GPR107: variants seen among roughly 807,000 people sequenced by gnomAD.
GPR107 encodes G protein-coupled receptor 107.
Under a neutral mutation model 75.5 loss-of-function variants are expected in GPR107, and 31 were observed. That is an observed-to-expected ratio of 0.41 (90% CI 0.31 to 0.55). GPR107 has a LOEUF of 0.55. Among genes scored for constraint, GPR107 ranks in the 20% least tolerant of loss-of-function variants. GPR107 has a pLI of 0.26. For missense variants in GPR107, 572 were observed against 665.7 expected (o/e 0.86, Z 1.55); for synonymous variants, 267 against 251.3 (o/e 1.06, Z -0.59).
chr9:130,074,836 T>C (rs1830303241), intron 1 of GPR107, among the ~76,000 whole-genome samples: 1 of 151,966 alleles, frequency 6.6e-6, no homozygotes, highest in South Asian at 2.1e-4. Flanking sequence ...CACAAATTGA[T>C]AAGAGGATTT....
chr9:130,057,471 G>T (rs74421276), intron 1 of GPR107, among the ~76,000 whole-genome samples: 267 of 147,760 alleles, frequency 1.8e-3, no homozygotes, highest in African/African-American at 6.4e-3. Flanking sequence ...AATGGCTCCA[G>T]CCTGGGGGAC....
chr9:130,085,754 A>ATTTTTTTTTT lies in GPR107; in HGVS notation c.565-658_565-649dup, dbSNP rs71387311. Among the ~76,000 whole-genome samples the ATTTTTTTTTT allele has an allele frequency of 2.5e-3, 198 of 78,646 alleles. 32 individuals are homozygous for ATTTTTTTTTT. Among genetic ancestry groups the ATTTTTTTTTT allele is most frequent in the African/African-American group, 9.2e-3 (185 of 20,042 alleles). The allele number at this position is 78,646 out of a possible 152,430, so 51.6% of individuals were successfully genotyped here. ...TTACTGTATAAATGGCAATATTTTGATTTTTTTTTTTTTTTTTGCCGGGGG... is the reference window on the plus strand; with the variant it reads ...TTACTGTATAAATGGCAATATTTTGATTTTTTTTTTTTTTTTTTTTTTTTTTTGCCGGGGG... On this transcript the variant is annotated intron_variant, in intron 6 of 17. Transcript: ENST00000347136.
chr9:130,131,418 A>T, intron 17 of GPR107, among the ~76,000 whole-genome samples: 1 of 150,832 alleles, frequency 6.6e-6, no homozygotes, highest in African/African-American at 2.4e-5. Flanking sequence ...CACTTCTGCC[A>T]CTCCCAGTCC....
intron 1 of GPR107, among the ~76,000 whole-genome samples, chr9:130,056,520 G>A (rs1356222897): frequency 6.6e-6 from 1 of 152,064 alleles, no homozygotes; most frequent in Admixed American, 6.6e-5. Context: ...GCTTCCCAGG[G>A]CCACATTGGA....
At chr9:130,097,955 C>A (rs1295336404) in intron 9 of GPR107, among the ~76,000 whole-genome samples, 2 of 151,854 alleles carry the variant, frequency 1.3e-5, no homozygotes, top group Admixed American at 1.3e-4. Context: ...AGTCACGGCT[C>A]ATTGCAGCCT....
At chr9:130,101,277 T>G (rs1438731479) in intron 12 of GPR107, 54 bp downstream of exon 12, 3 of 963,168 alleles carry the variant, frequency 3.1e-6, no homozygotes. Flanking sequence ...TTAGCAGGGC[T>G]CAGCTCCAAG....
chr9:130,059,588 A>G (rs1416378662), intron 1 of GPR107, among the ~76,000 whole-genome samples: 1 of 152,062 alleles, frequency 6.6e-6, no homozygotes, highest in East Asian at 1.9e-4. Flanking sequence ...TTTTAAGAAC[A>G]TGGCTACAAT....
At chr9:130,106,970 A>C (rs1268851810) in intron 13 of GPR107, among the ~76,000 whole-genome samples, 1 of 152,166 alleles carries the variant, frequency 6.6e-6, no homozygotes, top group African/African-American at 2.4e-5. Flanking sequence ...AATGATGGTC[A>C]TTAGGTACCA....
At chr9:130,060,522 C>T (rs1829905156) in intron 1 of GPR107, among the ~76,000 whole-genome samples, 1 of 150,882 alleles carries the variant, frequency 6.6e-6, no homozygotes, top group South Asian at 2.1e-4. Context: ...TGGGCTCAAG[C>T]CATCTTCCCG....
chr9:130,092,821 G>A (rs1405244609), intron 9 of GPR107, among the ~76,000 whole-genome samples: 4 of 152,074 alleles, frequency 2.6e-5, no homozygotes, highest in South Asian at 2.1e-4. Context: ...GGGTTTCACC[G>A]TGTTAGCCAG....
intron 12 of GPR107, among the ~76,000 whole-genome samples, chr9:130,101,922 C>A (rs1243203906): frequency 6.6e-6 from 1 of 152,164 alleles, no homozygotes; most frequent in Non-Finnish European, 1.5e-5. Context: ...TGGAAGGGGA[C>A]AACTCCTGAG....
intron 9 of GPR107, among the ~76,000 whole-genome samples, chr9:130,094,624 T>A (rs974909377): frequency 1.3e-4 from 19 of 151,858 alleles, no homozygotes; most frequent in African/African-American, 4.1e-4. Context: ...TATAAAAATT[T>A]AGGCCATTAA....
chr9:130,081,766 G>T (rs962335234), intron 5 of GPR107, among the ~76,000 whole-genome samples: 3 of 151,954 alleles, frequency 2.0e-5, no homozygotes, highest in African/African-American at 7.3e-5. Context: ...TGAGGCAAAA[G>T]AATTTCTTGA....
chr9:130,122,526 A>T (rs1831572494), intron 14 of GPR107, among the ~76,000 whole-genome samples: 1 of 152,080 alleles, frequency 6.6e-6, no homozygotes, highest in Admixed American at 6.5e-5. Flanking sequence ...CCCTCAGGGG[A>T]GGAGGAACAC....
chr9:130,063,038 A>G (rs935730996), intron 1 of GPR107, among the ~76,000 whole-genome samples: 1 of 152,206 alleles, frequency 6.6e-6, no homozygotes, highest in African/African-American at 2.4e-5. Flanking sequence ...TTTTAATACC[A>G]ATGTCTGGCG....
rs560402864 is a variant in GPR107, at chr9:130,097,709, G to GT, written c.864-1731dup. On this transcript the variant is annotated intron_variant, in intron 9 of 17. Transcript: ENST00000347136. Reference sequence around the variant, plus strand: ...TCTTGTGGCTGCCTGTATTCTTTGGGTTTTTTTTTTTTTTTTTGAGACAGG... The same window carrying GT: ...TCTTGTGGCTGCCTGTATTCTTTGGGTTTTTTTTTTTTTTTTTTGAGACAGG... Among the ~76,000 whole-genome samples the GT allele has an allele frequency of 6.3e-3, 842 of 134,340 alleles. 7 individuals are homozygous for GT. Among genetic ancestry groups the GT allele is most frequent in the South Asian group, 0.012 (49 of 4,182 alleles). The allele number at this position is 134,340 out of a possible 152,430, so 88.1% of individuals were successfully genotyped here.
chr9:130,082,658 T>C (rs1214890291), intron 5 of GPR107, among the ~76,000 whole-genome samples: 1 of 151,978 alleles, frequency 6.6e-6, no homozygotes. Flanking sequence ...TTTTGTATTT[T>C]TTAGTAGAGA....
At chr9:130,071,526 C>A (rs907228260) in intron 1 of GPR107, among the ~76,000 whole-genome samples, 2 of 151,938 alleles carry the variant, frequency 1.3e-5, no homozygotes, top group African/African-American at 4.8e-5. Flanking sequence ...GTGTCTTCAT[C>A]GCTACCGTGG....
At position 130,132,426 on chromosome 9, in the gene GPR107, C is replaced by T. The variant is rs186769146; in HGVS notation, c.1563-2599C>T. Among the ~76,000 whole-genome samples, 203 of 152,296 alleles carry T rather than the reference C, an allele frequency of 1.3e-3. 2 individuals are homozygous for T. The highest frequency in any genetic ancestry group is 0.012 in the East Asian group (63 of 5,186). Reference sequence around the variant, plus strand: ...CAGACTGGGCCCTCGACAACCCTGCCGTCCTGTGTCCACCCTGGTTCTCTC... The same window carrying T: ...CAGACTGGGCCCTCGACAACCCTGCTGTCCTGTGTCCACCCTGGTTCTCTC... On this transcript the variant is annotated intron_variant, in intron 17 of 17. Transcript: ENST00000347136.
Sources: gnomAD v4.1 joint callset for allele counts (sites outside exome capture counted in the v4.1 genomes callset) on GRCh38, gnomAD v4.1.1 for gene constraint, MANE v1.5 for transcripts, NCBI Gene and HGNC (gene_info 2026-07-23, HGNC 2026-07-21) for gene names.